The following LRP1B variants were observed in gnomAD, a reference collection of about 807,000 sequenced individuals.
LRP1B encodes LDL receptor related protein 1B, also known as low-density lipoprotein receptor-related protein 1B.
LRP1B carries 217 observed loss-of-function variants against 556.6 expected under a neutral mutation model. That is an observed-to-expected ratio of 0.39 (90% CI 0.35 to 0.44). The LOEUF is 0.44. Ranked by LOEUF, LRP1B falls within the 20% of genes least tolerant of loss-of-function variation. The probability of loss-of-function intolerance (pLI) is 1.00; values close to 1 mark genes in which losing one functional copy is unlikely to be tolerated. For synonymous variants in LRP1B, 2,047 were observed against 1,865.8 expected, an observed-to-expected ratio of 1.10 and a Z score of -2.50; for missense variants, 5,053 against 5,620.8, an observed-to-expected ratio of 0.90 and a Z score of 3.23.
In LRP1B at chr2:140,698,885, T is replaced by A. The variant is rs559664602; in HGVS notation, c.6799+1365A>T. ...AAATATTGGTTCTCTAACTTATGCA[T>A]AGCTTCTAAATGTTGACACATTTTA... On this transcript the variant is annotated intron_variant, in intron 41 of 90. Coordinates refer to ENST00000389484, the MANE Select transcript of LRP1B (RefSeq NM_018557.3). Among the ~76,000 whole-genome samples the A allele has an allele frequency of 3.9e-5, 6 of 152,194 alleles. No individual in the cohort carries two copies. In the South Asian group the frequency reaches 1.0e-3, roughly 26 times the overall value.
intron 3 of LRP1B, among the ~76,000 whole-genome samples, chr2:141,267,656 GA>G (rs80288330): frequency 0.056 from 8,518 of 152,134 alleles, 332 homozygotes; most frequent in East Asian, 0.15. Context: ...TATGCGTGAG[GA>G]AAAAATGCAA....
intron 7 of LRP1B, among the ~76,000 whole-genome samples, chr2:141,165,511 T>C (rs1449257943): frequency 6.6e-6 from 1 of 152,048 alleles, no homozygotes; most frequent in East Asian, 1.9e-4. Context: ...ATTAGATTTA[T>C]ATTTGTCTCT....
At chr2:141,743,010 T>C (rs1693767447) in intron 2 of LRP1B, among the ~76,000 whole-genome samples, 1 of 152,040 alleles carries the variant, frequency 6.6e-6, no homozygotes. Flanking sequence ...CGGTGGTCCT[T>C]AGGTCTTTCC....
intron 84 of LRP1B, among the ~76,000 whole-genome samples, chr2:140,289,184 A>C (rs1683276250): frequency 6.6e-6 from 1 of 152,018 alleles, no homozygotes; most frequent in African/African-American, 2.4e-5. Flanking sequence ...TTAATTTTAT[A>C]AACATGCTGC....
intron 2 of LRP1B, among the ~76,000 whole-genome samples, chr2:141,780,316 T>C (rs959109408): frequency 6.6e-6 from 1 of 152,094 alleles, no homozygotes; most frequent in East Asian, 1.9e-4. Context: ...TATGATTCTT[T>C]TTTAAAATGA....
intron 41 of LRP1B, among the ~76,000 whole-genome samples, chr2:140,694,485 C>A (rs540057855): frequency 6.6e-6 from 1 of 152,292 alleles, no homozygotes; most frequent in East Asian, 1.9e-4. Context: ...CTGGTAGCAT[C>A]TTAAGATTTT....
intron 35 of LRP1B, among the ~76,000 whole-genome samples, chr2:140,717,934 C>A (rs891784411): frequency 2.6e-5 from 4 of 152,048 alleles, no homozygotes; most frequent in Admixed American, 1.3e-4. Flanking sequence ...AGCAGAGATA[C>A]CCTATCCAAA....
chr2:140,533,895 A>T, intron 47 of LRP1B, 126 bp downstream of exon 47: 1 of 957,732 alleles, frequency 1.0e-6, no homozygotes. Flanking sequence ...AACAGCATTT[A>T]CCAAAGTGTG....
At chr2:140,592,314 A>G (rs995524658) in intron 43 of LRP1B, among the ~76,000 whole-genome samples, 1 of 152,174 alleles carries the variant, frequency 6.6e-6, no homozygotes, top group Non-Finnish European at 1.5e-5. Context: ...ATTAGAAATT[A>G]ATTTACCTTT....
intron 3 of LRP1B, among the ~76,000 whole-genome samples, chr2:141,401,911 G>A (rs543495074): frequency 3.9e-5 from 6 of 152,196 alleles, no homozygotes; most frequent in East Asian, 1.9e-4. Context: ...CCATCAATAA[G>A]TTTTTCTGGT....
At chr2:142,113,682 G>A (rs1707086301) in intron 1 of LRP1B, among the ~76,000 whole-genome samples, 1 of 151,986 alleles carries the variant, frequency 6.6e-6, no homozygotes, top group South Asian at 2.1e-4. Flanking sequence ...GAGATCCTAG[G>A]CCTTTCAAGA....
At chr2:142,058,664 T>C (rs1284798803) in intron 1 of LRP1B, among the ~76,000 whole-genome samples, 1 of 152,134 alleles carries the variant, frequency 6.6e-6, no homozygotes. Flanking sequence ...ACACCCCTGC[T>C]TTAGAGCACT....
intron 2 of LRP1B, among the ~76,000 whole-genome samples, chr2:141,737,297 A>T (rs1200733408): frequency 6.6e-6 from 1 of 152,174 alleles, no homozygotes; most frequent in Non-Finnish European, 1.5e-5. Context: ...GGTTGCAGTG[A>T]GCCAAGATCA....
At chr2:141,462,906 C>A (rs1681940360) in intron 3 of LRP1B, among the ~76,000 whole-genome samples, 1 of 151,920 alleles carries the variant, frequency 6.6e-6, no homozygotes, top group Non-Finnish European at 1.5e-5. Flanking sequence ...TGATCATAAA[C>A]AATAGCAATT....
intron 86 of LRP1B, among the ~76,000 whole-genome samples, chr2:140,267,664 G>T (rs1008215778): frequency 6.6e-6 from 1 of 151,796 alleles, no homozygotes; most frequent in African/African-American, 2.4e-5. Context: ...ATTTGCACTT[G>T]GTTGAACCCA....
At chr2:141,881,612 A>C (rs1248796840) in intron 1 of LRP1B, among the ~76,000 whole-genome samples, 1 of 152,084 alleles carries the variant, frequency 6.6e-6, no homozygotes, top group African/African-American at 2.4e-5. Context: ...ACCAAGAGTG[A>C]GGTAAACTGT....
chr2:140,996,020 C>T (rs2105361870), intron 15 of LRP1B, among the ~76,000 whole-genome samples: 1 of 152,044 alleles, frequency 6.6e-6, no homozygotes, highest in East Asian at 1.9e-4. Flanking sequence ...TGTTATGTGG[C>T]CTGCTGTGGC....
intron 3 of LRP1B, among the ~76,000 whole-genome samples, chr2:141,402,364 A>G (rs1690479089): frequency 6.6e-6 from 1 of 152,150 alleles, no homozygotes; most frequent in African/African-American, 2.4e-5. Flanking sequence ...ATGAACAGGA[A>G]AGTGACTCTC....
chr2:140,961,516 AAG>A (rs1194411552), intron 18 of LRP1B, among the ~76,000 whole-genome samples: 9 of 152,108 alleles, frequency 5.9e-5, no homozygotes, highest in African/African-American at 2.2e-4. Flanking sequence ...TTTAAAAAGA[AAG>A]AGTTACTAAA....
Sources: gnomAD v4.1 joint callset for allele counts (sites outside exome capture counted in the v4.1 genomes callset) on GRCh38, gnomAD v4.1.1 for gene constraint, MANE v1.5 for transcripts, NCBI Gene and HGNC (gene_info 2026-07-23, HGNC 2026-07-21) for gene names.